LTBP1: variants seen among roughly 807,000 people sequenced by gnomAD.
LTBP1 encodes latent-transforming growth factor beta-binding protein 1.
A neutral mutation model predicts 207.6 loss-of-function variants in LTBP1; 129 were observed. That is an observed-to-expected ratio of 0.62 (90% confidence interval 0.54 to 0.72). The LOEUF is 0.72. Ranked by LOEUF, LTBP1 falls within the 30% of genes least tolerant of loss-of-function variation. The pLI is 0.00. For missense variants in LTBP1, 2,281 were observed against 2,217.2 expected, an observed-to-expected ratio of 1.03 and a Z score of -0.58; for synonymous variants, 963 against 833.7, an observed-to-expected ratio of 1.16 and a Z score of -2.67.
At position 33,088,457 on chromosome 2, in the gene LTBP1, A is replaced by G. The variant is rs372603842; in HGVS notation, c.864-22125A>G. Among the ~76,000 whole-genome samples, 264 of 152,290 alleles carry G rather than the reference A, an allele frequency of 1.7e-3. 2 individuals are homozygous for G. The South Asian group carries it at 0.031, about 18-fold the overall frequency. On this transcript the variant is annotated intron_variant, in intron 3 of 33. Coordinates refer to ENST00000404816, the MANE Select transcript of LTBP1 (RefSeq NM_206943.4). The stretch of plus-strand genomic sequence containing the variant: ...ACAGGGCGAGACTCCATCTCAAAAA[A>G]AGAAAAAAAAAAGGACCAGTGTGTT...
chr2:33,254,852 G>GTTTTTTGTTTT (rs2092794817), intron 11 of LTBP1, among the ~76,000 whole-genome samples: 3 of 10,362 alleles, frequency 2.9e-4, no homozygotes, highest in Admixed American at 3.5e-3. Flanking sequence ...GCGGTGTTTG[G>GTTTTTTGTTTT]TTTTTTTTTT....
chr2:33,029,484 G>GA (rs111646382), intron 3 of LTBP1, among the ~76,000 whole-genome samples: 5 of 146,308 alleles, frequency 3.4e-5, no homozygotes, highest in Non-Finnish European at 4.5e-5. Flanking sequence ...CTCAAAAGAA[G>GA]AAAAAAAAAA....
At chr2:33,171,792 G>C (rs564758411) in intron 5 of LTBP1, among the ~76,000 whole-genome samples, 3 of 152,068 alleles carry the variant, frequency 2.0e-5, no homozygotes, top group Non-Finnish European at 2.9e-5. Context: ...AAGCCCATCA[G>C]ACTAACAGCG....
intron 5 of LTBP1, among the ~76,000 whole-genome samples, chr2:33,150,907 T>A (rs1358006802): frequency 2.0e-5 from 3 of 151,210 alleles, no homozygotes; most frequent in Non-Finnish European, 2.9e-5. Flanking sequence ...GGCTAATTTT[T>A]AAAAATGTTT....
At chr2:33,020,834 T>C (rs1197893089) in intron 2 of LTBP1, 75 bp from the exon 3 acceptor site, 1 of 1,403,630 alleles carries the variant, frequency 7.1e-7, no homozygotes, top group African/African-American at 1.4e-5. Flanking sequence ...CTGATGCTAC[T>C]GTTAACCCTT....
intron 7 of LTBP1, among the ~76,000 whole-genome samples, chr2:33,204,570 CT>C (rs11343415): frequency 0.5 from 75,159 of 149,806 alleles, 18,812 homozygotes; most frequent in African/African-American, 0.54. Context: ...AGATAAGCCT[CT>C]TTTTTTTTTT....
intron 15 of LTBP1, among the ~76,000 whole-genome samples, chr2:33,264,734 GT>G (rs1255306842): frequency 1.3e-5 from 2 of 152,064 alleles, no homozygotes; most frequent in Non-Finnish European, 2.9e-5. Context: ...TTTTATTAGG[GT>G]GAGATTGAGA....
chr2:33,076,980 A>G (rs1334229528), intron 3 of LTBP1, among the ~76,000 whole-genome samples: 1 of 152,204 alleles, frequency 6.6e-6, no homozygotes, highest in East Asian at 1.9e-4. Flanking sequence ...GTAAGTGGTT[A>G]GGAAAGATGA....
intron 3 of LTBP1, among the ~76,000 whole-genome samples, chr2:33,077,524 G>A (rs1051618968): frequency 6.6e-6 from 1 of 152,112 alleles, no homozygotes. Flanking sequence ...GGAAGAGAGA[G>A]GGGGGTGAGG....
At chr2:33,140,900 C>A (rs1430507339) in intron 5 of LTBP1, among the ~76,000 whole-genome samples, 1 of 152,074 alleles carries the variant, frequency 6.6e-6, no homozygotes, top group South Asian at 2.1e-4. Flanking sequence ...AACTCCTGAC[C>A]CCAAGTGATC....
intron 6 of LTBP1, among the ~76,000 whole-genome samples, chr2:33,188,083 A>G (rs2087396153): frequency 1.3e-5 from 2 of 152,250 alleles, no homozygotes; most frequent in East Asian, 1.9e-4. Context: ...TTTTAAAAAC[A>G]TATAAATTCA....
intron 24 of LTBP1, among the ~76,000 whole-genome samples, chr2:33,331,915 A>C (rs543566982): frequency 5.3e-4 from 80 of 152,284 alleles, no homozygotes; most frequent in South Asian, 1.7e-3. Context: ...TGAGAATTGC[A>C]GTGACCTCCT....
chr2:33,019,328 C>CTTTTTTTT (rs58570641), intron 2 of LTBP1, among the ~76,000 whole-genome samples: 2 of 87,672 alleles, frequency 2.3e-5, no homozygotes, highest in East Asian at 4.0e-4. Context: ...ATGTACACTT[C>CTTTTTTTT]TTTTTTTTTT....
intron 19 of LTBP1, among the ~76,000 whole-genome samples, chr2:33,288,891 A>G (rs1233827868): frequency 2.6e-5 from 4 of 151,794 alleles, no homozygotes; most frequent in African/African-American, 9.7e-5. Context: ...AAGAAGGTGG[A>G]GTCTGGGAAT....
At chr2:33,298,484 T>G (rs1558969358) in intron 20 of LTBP1, among the ~76,000 whole-genome samples, 1 of 152,176 alleles carries the variant, frequency 6.6e-6, no homozygotes, top group Non-Finnish European at 1.5e-5. Flanking sequence ...CTAAAAATGT[T>G]GTCAGATGTT....
At position 33,099,708 on chromosome 2, in the gene LTBP1, G is replaced by A. The variant is rs968402702; in HGVS notation, c.864-10874G>A. ...GTACTGTTTATTCTTCCCCTGTGTT[G>A]AGCACCATGTGCCACGTGGATGCCT... On this transcript the variant is annotated intron_variant, in intron 3 of 33. Transcript: ENST00000404816. 5.3e-5 allele frequency among the ~76,000 whole-genome samples: 8 copies of A among 152,124 alleles called. No homozygotes were observed. The South Asian group carries it at 6.2e-4, about 12-fold the overall frequency.
intron 18 of LTBP1, among the ~76,000 whole-genome samples, chr2:33,277,795 T>TTCTTTCTTTCTTTCTCTCTC (rs1394277684): frequency 9.3e-6 from 1 of 107,968 alleles, no homozygotes; most frequent in African/African-American, 4.0e-5. Flanking sequence ...CTTTCTTTCT[T>TTCTTTCTTTCTTTCTCTCTC]TCTCTCTCTC....
chr2:33,056,646 G>C (rs2077015479), intron 3 of LTBP1: 3 of 225,922 alleles, frequency 1.3e-5, no homozygotes. Context: ...CTGATGTTCA[G>C]ATGTGTTTGG....
intron 2 of LTBP1, among the ~76,000 whole-genome samples, chr2:32,995,814 C>A (rs897094846): frequency 1.3e-5 from 2 of 151,994 alleles, no homozygotes; most frequent in Admixed American, 6.6e-5. Context: ...ACAAAAACAC[C>A]ACATGATTTT....
Sources: allele counts gnomAD v4.1 joint callset (sites outside exome capture counted in the v4.1 genomes callset), GRCh38; gene constraint gnomAD v4.1.1; transcripts MANE v1.5; gene names NCBI Gene and HGNC (gene_info 2026-07-23, HGNC 2026-07-21).